Variants in MYT1L observed in about 807,000 individuals in gnomAD.
The protein encoded by MYT1L is myelin transcription factor 1-like protein.
Under a neutral mutation model 126.7 loss-of-function variants are expected in MYT1L, and 12 were observed. The observed-to-expected ratio is 0.09, with a 90% CI of 0.06 to 0.15. The LOEUF (loss-of-function observed/expected upper bound fraction) is 0.15. MYT1L is among the 10% of genes least tolerant of loss of function. The probability of loss-of-function intolerance (pLI) is 1.00; values close to 1 mark genes in which losing one functional copy is unlikely to be tolerated. For missense variants in MYT1L, 979 were observed against 1,585.2 expected, an observed-to-expected ratio of 0.62 and a Z score of 6.49; for synonymous variants, 541 against 604.2, an observed-to-expected ratio of 0.90 and a Z score of 1.53.
At chr2:1,876,554 G>A (rs916508726) in intron 18 of MYT1L, among the ~76,000 whole-genome samples, 7 of 152,002 alleles carry the variant, frequency 4.6e-5, no homozygotes, top group African/African-American at 4.8e-5. Context: ...CCCATGGCCC[G>A]TGGCCAGAGT....
At position 2,124,460 on chromosome 2, in the gene MYT1L, T is replaced by TGATTTTGGTA. The variant is rs2081429180; in HGVS notation, c.-304+48402_-304+48411dup. ...ACAGGCACGTGCCACCACACCTGGC[T>TGATTTTGGTA]GATTTTGGTATTTTTAGTAGAGATG... On this transcript the variant is annotated intron_variant, in intron 3 of 24. Coordinates refer to ENST00000647738, the MANE Select transcript of MYT1L (RefSeq NM_001303052.2). Among the ~76,000 whole-genome samples the TGATTTTGGTA allele has an allele frequency of 3.3e-5, 5 of 152,154 alleles. No individual in the cohort carries two copies. The East Asian group carries it at 7.8e-4, about 24-fold the overall frequency.
intron 3 of MYT1L, among the ~76,000 whole-genome samples, chr2:2,127,299 A>C (rs1233904543): frequency 2.0e-5 from 3 of 152,208 alleles, no homozygotes; most frequent in Non-Finnish European, 2.9e-5. Context: ...GTGTGCAATT[A>C]TGCACACACA....
chr2:1,943,027 C>A lies in MYT1L; in HGVS notation c.460G>T (p.Glu154Ter). The change falls in exon 9 of 25, where the codon GAG becomes TAG. Residue 154 changes from glutamate (E) to a stop codon, truncating the protein, a stop_gained. Transcript: ENST00000647738. LOFTEE classifies it high-confidence loss of function. This position sits in a 1 kb window ranked among gnomAD's most constrained non-coding sequence, Gnocchi z 4.4. Reference sequence around the variant, plus strand: ...TCCTCCTCCTCCTCCTCCTCTTCCTCTTCTTCATCCTCCACATCTTCTCCA... The same window carrying A: ...TCCTCCTCCTCCTCCTCCTCTTCCTATTCTTCATCCTCCACATCTTCTCCA... ...EDGEDVEDEEEEEEEEEEEEE... is the reference protein window; with the variant it reads ...EDGEDVEDEE 1 of 1,514,346 alleles carries A rather than the reference C, an allele frequency of 6.6e-7. No homozygotes were observed. The highest frequency in any genetic ancestry group is 9.0e-7 in the Non-Finnish European group (1 of 1,113,304). The allele number at this position is 1,514,346 out of a possible 1,614,324, so 93.8% of individuals were successfully genotyped here. A position where few individuals can be genotyped will look rare whatever the true frequency, so the allele number is the denominator to read the frequency against.
At chr2:2,236,798 TC>T (rs2094326408) in intron 2 of MYT1L, among the ~76,000 whole-genome samples, 1 of 20,556 alleles carries the variant, frequency 4.9e-5, no homozygotes, top group Admixed American at 5.4e-4. Flanking sequence ...TTCTTCTTCT[TC>T]TTCTTCTTCT....
At position 2,217,707 on chromosome 2, in the gene MYT1L, A is replaced by AAC. The variant is rs1491263665; in HGVS notation, c.-420-44720_-420-44719insGT. Among the ~76,000 whole-genome samples the AAC allele has an allele frequency of 6.3e-4, 64 of 101,862 alleles. 1 individual carries two copies. Among genetic ancestry groups the AAC allele is most frequent in the African/African-American group, 1.1e-3 (28 of 24,454 alleles). The allele number at this position is 101,862 out of a possible 152,430, so 66.8% of individuals were successfully genotyped here. On this transcript the variant is annotated intron_variant, in intron 2 of 24. Coordinates refer to ENST00000647738, the MANE Select transcript of MYT1L (RefSeq NM_001303052.2). ...CAACAACAACAACAACAACAACAAC[A>AAC]AAAAAAAAAAAAGAAAGAAGGAAAA...
At chr2:2,259,956 C>T (rs2094920727) in intron 2 of MYT1L, among the ~76,000 whole-genome samples, 1 of 152,200 alleles carries the variant, frequency 6.6e-6, no homozygotes, top group Non-Finnish European at 1.5e-5. Flanking sequence ...AACAGTCAAG[C>T]TCCTTCACAT....
At chr2:2,170,921 G>C (rs1168311768) in intron 3 of MYT1L, among the ~76,000 whole-genome samples, 2 of 152,154 alleles carry the variant, frequency 1.3e-5, no homozygotes, top group African/African-American at 2.4e-5. Flanking sequence ...AAGAGAGTGA[G>C]GACTGAGTGG....
intron 21 of MYT1L, among the ~76,000 whole-genome samples, chr2:1,823,303 C>G (rs912130581): frequency 6.6e-6 from 1 of 152,184 alleles, no homozygotes; most frequent in Non-Finnish European, 1.5e-5. Context: ...AGAGCTGTGG[C>G]TGTGAGGCTG....
intron 1 of MYT1L, among the ~76,000 whole-genome samples, chr2:2,290,071 C>A (rs1293258515): frequency 6.6e-6 from 1 of 152,200 alleles, no homozygotes; most frequent in Non-Finnish European, 1.5e-5. Flanking sequence ...CTCAGCATCG[C>A]AACGCTGCCA....
chr2:1,835,534 T>C (rs1004997634), intron 21 of MYT1L, among the ~76,000 whole-genome samples: 2 of 152,184 alleles, frequency 1.3e-5, no homozygotes, highest in African/African-American at 4.8e-5. Context: ...ATGGGTGAGA[T>C]GGTAAATTCC....
intron 3 of MYT1L, among the ~76,000 whole-genome samples, chr2:2,168,958 A>G (rs999680463): frequency 6.6e-6 from 1 of 152,164 alleles, no homozygotes; most frequent in African/African-American, 2.4e-5. Context: ...TCTTATTTTA[A>G]AAACAATACA....
intron 8 of MYT1L, among the ~76,000 whole-genome samples, chr2:1,978,639 G>A (rs1050107292): frequency 6.6e-5 from 10 of 152,156 alleles, no homozygotes; most frequent in Non-Finnish European, 1.3e-4. Context: ...CCAAAGTCTT[G>A]CAAGCTTGAT....
intron 8 of MYT1L, among the ~76,000 whole-genome samples, chr2:1,969,005 C>T (rs1158713030): frequency 6.6e-6 from 1 of 152,204 alleles, no homozygotes; most frequent in Non-Finnish European, 1.5e-5. Flanking sequence ...TAGTCCTCAC[C>T]CCACTCCAAA....
chr2:1,951,774 C>T (rs2057774193), intron 8 of MYT1L, among the ~76,000 whole-genome samples: 1 of 152,160 alleles, frequency 6.6e-6, no homozygotes, highest in Non-Finnish European at 1.5e-5. Flanking sequence ...GGGTGCTTCC[C>T]AAATCTGAGT....
chr2:1,933,352 A>T (rs2055285953), intron 9 of MYT1L, among the ~76,000 whole-genome samples: 1 of 152,152 alleles, frequency 6.6e-6, no homozygotes, highest in Non-Finnish European at 1.5e-5. Flanking sequence ...TAGCCCCAAA[A>T]TGGAAGAAAT....
chr2:1,882,193 A>G (rs1342693953), intron 18 of MYT1L, among the ~76,000 whole-genome samples: 2 of 152,130 alleles, frequency 1.3e-5, no homozygotes, highest in Non-Finnish European at 2.9e-5. Context: ...AGATCTGGGG[A>G]AGGCTCTGGG....
chr2:2,161,279 G>A (rs1201925025), intron 3 of MYT1L, among the ~76,000 whole-genome samples: 1 of 152,216 alleles, frequency 6.6e-6, no homozygotes, highest in Admixed American at 6.5e-5. Context: ...TGGGAAATGT[G>A]TATCCTGCTT....
intron 3 of MYT1L, among the ~76,000 whole-genome samples, chr2:2,070,668 C>A (rs1279921951): frequency 6.6e-6 from 1 of 152,100 alleles, no homozygotes; most frequent in East Asian, 1.9e-4. Context: ...CTCTCAAATT[C>A]AAAATATTAA....
chr2:2,294,665 T>C (rs879606064), intron 1 of MYT1L, among the ~76,000 whole-genome samples: 3 of 152,174 alleles, frequency 2.0e-5, no homozygotes, highest in East Asian at 1.9e-4. Context: ...CTGTTCTTTT[T>C]ACTGGGGAGG....
Sources: allele counts gnomAD v4.1 joint callset (sites outside exome capture counted in the v4.1 genomes callset), GRCh38; gene constraint gnomAD v4.1.1; non-coding constraint Gnocchi (gnomAD v3.1); transcripts MANE v1.5; gene names NCBI Gene and HGNC (gene_info 2026-07-23, HGNC 2026-07-21).